The following ZNF777 variants were observed in gnomAD, a reference collection of about 807,000 sequenced individuals.
ZNF777 encodes zinc finger protein 777.
Under a neutral mutation model 72.1 loss-of-function variants are expected in ZNF777, and 7 were observed. That is an observed-to-expected ratio of 0.10 (90% CI 0.06 to 0.18). The LOEUF (loss-of-function observed/expected upper bound fraction) is 0.18. ZNF777 is among the 10% of genes least tolerant of loss of function. The pLI is 1.00. For missense variants in ZNF777, 828 were observed against 1,128.6 expected, an observed-to-expected ratio of 0.73 and a Z score of 3.82; for synonymous variants, 545 against 483.5, an observed-to-expected ratio of 1.13 and a Z score of -1.67.
At chr7:149,437,529 C>T (rs952906789) in intron 4 of ZNF777, among the ~76,000 whole-genome samples, 1 of 152,212 alleles carries the variant, frequency 6.6e-6, no homozygotes, top group African/African-American at 2.4e-5. Flanking sequence ...CTGTTACGCA[C>T]TGCCCTGAAA....
chr7:149,436,865 C>T lies in ZNF777; in HGVS notation c.1088-39G>A. ...GGCAGGGGTGAGGAGGAGAAAAGAA[C>T]CCAGAATGTTCATGCCAACTGCCCA... is the stretch of plus-strand genomic sequence containing the variant. On this transcript the variant is annotated intron_variant, in intron 4 of 5. Transcript: ENST00000247930. This position sits in a 1 kb window ranked among gnomAD's most constrained non-coding sequence, Gnocchi z 5.0. 1 of 1,586,020 alleles carries T rather than the reference C, an allele frequency of 6.3e-7. No homozygotes were observed. The highest frequency in any genetic ancestry group is 8.6e-7 in the Non-Finnish European group (1 of 1,159,712).
chr7:149,439,002 T>C (rs1799464024), intron 4 of ZNF777, among the ~76,000 whole-genome samples: 1 of 152,178 alleles, frequency 6.6e-6, no homozygotes, highest in Admixed American at 6.5e-5. Context: ...CTATTCTCTA[T>C]TAAAAGGAAA....
rs1799583761 is a variant in ZNF777, at chr7:149,445,295, C to A, written c.1087+5704G>T. ...TCATATATACATTTTTCCCTCTCTG[C>A]ATGGTCTCTGTTCCTCTAAATGTAT... On this transcript the variant is annotated intron_variant, in intron 4 of 5. Coordinates refer to ENST00000247930, the MANE Select transcript of ZNF777 (RefSeq NM_015694.3). Among the ~76,000 whole-genome samples the A allele has an allele frequency of 2.0e-5, 3 of 152,174 alleles. No homozygotes were observed. In the South Asian group the frequency reaches 6.2e-4, roughly 31 times the overall value.
intron 5 of ZNF777, among the ~76,000 whole-genome samples, chr7:149,434,919 C>T (rs1046492298): frequency 2.6e-5 from 4 of 152,092 alleles, no homozygotes; most frequent in Non-Finnish European, 5.9e-5. Context: ...GAATGGTAAA[C>T]GCCAAACATT....
At position 149,455,043 on chromosome 7, in the gene ZNF777, G is replaced by T; in HGVS notation, c.846+134C>A. ...CAACAGGAGAAATAATTTGATTTTGGCATGTCCTAGCAACTGGGATCACTG... is the reference window on the plus strand; with the variant it reads ...CAACAGGAGAAATAATTTGATTTTGTCATGTCCTAGCAACTGGGATCACTG... On this transcript the variant is annotated intron_variant, in intron 2 of 5. Transcript: ENST00000247930. The surrounding 1 kb of genome is among the most constrained non-coding windows in gnomAD (Gnocchi z 4.2). 1 of 1,101,424 alleles carries T rather than the reference G, an allele frequency of 9.1e-7. No homozygotes were observed. The highest frequency in any genetic ancestry group is 1.3e-6 in the Non-Finnish European group (1 of 767,738). The allele number at this position is 1,101,424 out of a possible 1,614,324, so 68.2% of individuals were successfully genotyped here.
chr7:149,444,138 T>C (rs537588502), intron 4 of ZNF777, among the ~76,000 whole-genome samples: 13 of 152,338 alleles, frequency 8.5e-5, no homozygotes, highest in African/African-American at 3.1e-4. Context: ...GTAATTTTAG[T>C]TGGATCAATA....
At chr7:149,456,916 G>A (rs568849407) in intron 1 of ZNF777, among the ~76,000 whole-genome samples, 4 of 152,290 alleles carry the variant, frequency 2.6e-5, no homozygotes, top group East Asian at 1.9e-4. Context: ...GCGAGACATC[G>A]AGGCAGGTGA....
At position 149,455,011 on chromosome 7, in the gene ZNF777, C is replaced by T. The variant is rs1343618843; in HGVS notation, c.846+166G>A. Among the ~76,000 whole-genome samples the T allele has an allele frequency of 2.0e-5, 3 of 152,236 alleles. No homozygotes were observed. The highest frequency in any genetic ancestry group is 4.4e-5 in the Non-Finnish European group (3 of 68,040). On this transcript the variant is annotated intron_variant, in intron 2 of 5. Coordinates refer to ENST00000247930, the MANE Select transcript of ZNF777 (RefSeq NM_015694.3). The surrounding 1 kb of genome is among the most constrained non-coding windows in gnomAD (Gnocchi z 4.2). ...AGGGGCATTTCTGTACTAGCCTATA[C>T]TCTCATCAACAGGAGAAATAATTTG...
At position 149,432,595 on chromosome 7, in the gene ZNF777, G is replaced by T; in HGVS notation, c.1677C>A (p.Ile559=). 5 of 1,613,768 alleles carry T rather than the reference G, an allele frequency of 3.1e-6. No homozygotes were observed. Among genetic ancestry groups the T allele is most frequent in the Non-Finnish European group, 4.2e-6 (5 of 1,179,804 alleles). Residue 559 remains isoleucine (I), a synonymous_variant, in exon 6 of 6, where the codon ATC becomes ATA. Transcript: ENST00000247930. ...MECGKSFRLK[I]NLIIHQRNHI... The stretch of plus-strand genomic sequence containing the variant: ...GGTTGCGCTGGTGGATGATGAGGTT[G>T]ATCTTCAGGCGGAAGCTCTTGCCGC...
intron 5 of ZNF777, among the ~76,000 whole-genome samples, chr7:149,434,138 A>ATGTT (rs1180363332): frequency 5.3e-5 from 8 of 152,186 alleles, no homozygotes; most frequent in Admixed American, 5.2e-4. Flanking sequence ...ATATCAAGTG[A>ATGTT]TGTTTCCAAA....
chr7:149,455,994 G>A lies in ZNF777; in HGVS notation c.29C>T (p.Ser10Leu), dbSNP rs538448444. Residue 10 changes from serine to leucine, a missense_variant, in exon 2 of 6, where the codon TCG becomes TTG. Ser to Leu is a moderately radical substitution (Grantham distance 145, BLOSUM62 -2). Transcript: ENST00000247930. The surrounding 1 kb of genome is among the most constrained non-coding windows in gnomAD (Gnocchi z 4.2). MENQRSSPL[S>L]FPSVPQEETL... The stretch of plus-strand genomic sequence containing the variant: ...TTCTTCTTGTGGAACACTGGGGAAC[G>A]ACAGAGGTGATGAGCGTTGGTTCTC... 5.2e-5 allele frequency: 83 copies of A among 1,602,706 alleles called. 1 individual carries two copies. In the South Asian group the frequency reaches 7.4e-4, roughly 14 times the overall value.
intron 4 of ZNF777, among the ~76,000 whole-genome samples, chr7:149,442,143 G>A (rs1168010779): frequency 6.6e-6 from 1 of 150,802 alleles, no homozygotes. Context: ...CTTGAACCCG[G>A]GAGGCGGAGG....
At chr7:149,457,693 G>A (rs907320839) in intron 1 of ZNF777, among the ~76,000 whole-genome samples, 5 of 152,280 alleles carry the variant, frequency 3.3e-5, no homozygotes, top group South Asian at 4.1e-4. Context: ...AGATAGTATC[G>A]TCTAATAGCC....
rs372086467 is a variant in ZNF777 at position 149,454,249 on chromosome 7, C to A, written c.847-12G>T. The A allele has an allele frequency of 1.5e-5, 24 of 1,613,948 alleles. No individual in the cohort carries two copies. Among genetic ancestry groups the A allele is most frequent in the South Asian group, 7.7e-5 (7 of 91,074 alleles). On this transcript the variant is annotated splice_polypyrimidine_tract_variant and intron_variant, in intron 2 of 5. Transcript: ENST00000247930. ...AATGTGACAGGGACCTGAAACCACA[C>A]AATAACTCGGCTCAGACCCGCTGGA...
rs1405854531 is a variant in ZNF777 at position 149,436,266 on chromosome 7, C to G, written c.1339+309G>C. On this transcript the variant is annotated intron_variant, in intron 5 of 5. Coordinates refer to ENST00000247930, the MANE Select transcript of ZNF777 (RefSeq NM_015694.3). The surrounding 1 kb of genome is among the most constrained non-coding windows in gnomAD (Gnocchi z 5.0). Reference sequence around the variant, plus strand: ...GGGAGAGTTCTAGCTTTGCCACTCTCTGTGTGGCCTTGCCCCATCTATTTA... The same window carrying G: ...GGGAGAGTTCTAGCTTTGCCACTCTGTGTGTGGCCTTGCCCCATCTATTTA... Among the ~76,000 whole-genome samples, 1 of 152,126 alleles carries G rather than the reference C, an allele frequency of 6.6e-6. No homozygotes were observed. Among genetic ancestry groups the G allele is most frequent in the Non-Finnish European group, 1.5e-5 (1 of 68,006 alleles).
At chr7:149,437,643 T>C (rs1216880864) in intron 4 of ZNF777, among the ~76,000 whole-genome samples, 1 of 152,182 alleles carries the variant, frequency 6.6e-6, no homozygotes, top group Admixed American at 6.5e-5. Flanking sequence ...TTTTGGTTTT[T>C]AGTGCAGTAT....
rs1466374900 is a variant in ZNF777, at chr7:149,432,393, C to T, written c.1879G>A (p.Gly627Ser). ...GGCTTAGGGCCACCGCCGCCGCTAC[C>T]AGAGCTGGGTGACTTGGGACGCGGC... ...LKPRPKSPSS[G>S]SGGGGPKPYK... Residue 627 changes from glycine to serine, a missense_variant, in exon 6 of 6, where the codon GGT becomes AGT. Coordinates refer to ENST00000247930, the MANE Select transcript of ZNF777 (RefSeq NM_015694.3). The T allele has an allele frequency of 1.9e-6, 3 of 1,613,472 alleles. No homozygotes were observed. The South Asian group carries it at 3.3e-5, about 18-fold the overall frequency.
At chr7:149,435,828 C>G (rs150212225) in intron 5 of ZNF777, among the ~76,000 whole-genome samples, 303 of 152,102 alleles carry the variant, frequency 2.0e-3, no homozygotes, top group East Asian at 0.013. Flanking sequence ...AATACTGTTT[C>G]CAAAATTAGA....
chr7:149,439,554 T>G (rs1005781828), intron 4 of ZNF777, among the ~76,000 whole-genome samples: 11 of 152,332 alleles, frequency 7.2e-5, no homozygotes, highest in Non-Finnish European at 1.6e-4. Flanking sequence ...CATGAACAAA[T>G]TCTTCTTTGA....
Sources: allele counts gnomAD v4.1 joint callset (sites outside exome capture counted in the v4.1 genomes callset), GRCh38; gene constraint gnomAD v4.1.1; non-coding constraint Gnocchi (gnomAD v3.1); transcripts MANE v1.5; gene names NCBI Gene and HGNC (gene_info 2026-07-23, HGNC 2026-07-21).